ANK3: variants seen among roughly 807,000 people sequenced by gnomAD.
The protein encoded by ANK3 is ankyrin-3.
ANK3 carries 57 observed loss-of-function variants against 370.9 expected under a neutral mutation model. The observed-to-expected ratio is 0.15, with a 90% confidence interval of 0.12 to 0.19. ANK3 has a LOEUF of 0.19. Among genes scored for constraint, ANK3 ranks in the 10% least tolerant of loss-of-function variants. ANK3 has a pLI of 1.00. For synonymous variants in ANK3, 1,929 were observed against 1,946.3 expected (o/e 0.99, Z 0.23); for missense variants, 4,439 against 5,302.1 (o/e 0.84, Z 5.06).
intron 1 of ANK3, among the ~76,000 whole-genome samples, chr10:60,695,941 C>CA (rs1254933430): frequency 6.7e-6 from 1 of 150,256 alleles, no homozygotes; most frequent in Non-Finnish European, 1.5e-5. Context: ...AAAAACCCTT[C>CA]AAAAAATTAA....
At chr10:60,629,418 C>T (rs1009066933) in intron 1 of ANK3, among the ~76,000 whole-genome samples, 7 of 152,062 alleles carry the variant, frequency 4.6e-5, no homozygotes, top group Non-Finnish European at 1.0e-4. Flanking sequence ...ATTATGTTTG[C>T]TTTATTTTTC....
intron 2 of ANK3, among the ~76,000 whole-genome samples, chr10:60,591,308 TTTATTTA>T (rs1325726068): frequency 2.6e-5 from 1 of 38,086 alleles, no homozygotes; most frequent in Non-Finnish European, 6.7e-5. Context: ...TTTTATTTTA[TTTATTTA>T]TTTATTTATT....
chr10:60,232,628 T>A (rs1246238756), intron 8 of ANK3, among the ~76,000 whole-genome samples: 2 of 152,184 alleles, frequency 1.3e-5, no homozygotes, highest in African/African-American at 4.8e-5. Flanking sequence ...TTTTCCTATT[T>A]AGAAAGTTTG....
chr10:60,178,370 GTAAT>G, intron 18 of ANK3, among the ~76,000 whole-genome samples: 1 of 152,250 alleles, frequency 6.6e-6, no homozygotes, highest in Admixed American at 6.5e-5. Flanking sequence ...CCTTATGCAA[GTAAT>G]TACTTTTTCT....
chr10:60,084,924 G>A, intron 31 of ANK3, 94 bp from the exon 32 acceptor site: 1 of 965,312 alleles, frequency 1.0e-6, no homozygotes, highest in Non-Finnish European at 1.5e-6. Flanking sequence ...AATATGTAAA[G>A]GAACTAACCC....
chr10:60,333,511 G>T (rs1469544486), intron 1 of ANK3, among the ~76,000 whole-genome samples: 2 of 152,040 alleles, frequency 1.3e-5, no homozygotes, highest in African/African-American at 2.4e-5. Context: ...AGTTTTCCAG[G>T]GTGTATATGT....
At chr10:60,696,009 A>T (rs1413006485) in intron 1 of ANK3, among the ~76,000 whole-genome samples, 1 of 151,254 alleles carries the variant, frequency 6.6e-6, no homozygotes, top group Non-Finnish European at 1.5e-5. Flanking sequence ...CGCTAGCAAG[A>T]CTAATAAAGA....
chr10:60,109,267 T>C (rs1197293993), intron 26 of ANK3, among the ~76,000 whole-genome samples: 3 of 152,150 alleles, frequency 2.0e-5, no homozygotes, highest in African/African-American at 4.8e-5. Flanking sequence ...TTGTTTTTGG[T>C]GGAACATGGC....
chr10:60,114,328 G>C lies in ANK3; in HGVS notation c.2845C>G (p.Leu949Val). 1 of 1,579,978 alleles carries C rather than the reference G, an allele frequency of 6.3e-7. No individual in the cohort carries two copies. Among genetic ancestry groups the C allele is most frequent in the Non-Finnish European group, 8.7e-7 (1 of 1,155,950 alleles). Residue 949 changes from leucine (L) to valine (V), a missense_variant, in exon 26 of 44, where the codon CTA becomes GTA. This residue lies in a region of ANK3 where 702 missense variants were observed against 941.5 expected (regional missense o/e 0.75). Coordinates refer to ENST00000280772, the MANE Select transcript of ANK3 (RefSeq NM_020987.5). ...ELLVPSKEQHLTFTREFDSDS... is the reference protein window; with the variant it reads ...ELLVPSKEQHVTFTREFDSDS... ...GAATCAAATTCCCTTGTGAATGTTA[G>C]ATGCTGAAAAATAAAATGGTAAATT...
chr10:60,675,036 T>C lies in ANK3; in HGVS notation c.57+58227A>G, dbSNP rs898611250. Among the ~76,000 whole-genome samples the C allele has an allele frequency of 2.6e-5, 4 of 152,204 alleles. 1 individual carries two copies. The highest frequency in any genetic ancestry group is 5.9e-5 in the Non-Finnish European group (4 of 68,036). ...CCACATTTGCATTGCAAGTAGCAAT[T>C]TATTTGCAGCAACATATCATTATCA... On this transcript the variant is annotated intron_variant, in intron 1 of 43. Coordinates refer to the ANK3 transcript ENST00000373827.
chr10:60,537,993 T>A (rs1013290593), intron 2 of ANK3, among the ~76,000 whole-genome samples: 7 of 151,936 alleles, frequency 4.6e-5, no homozygotes, highest in African/African-American at 1.4e-4. Context: ...GAATAAATTC[T>A]CGGTTCTTTT....
chr10:60,336,631 T>G (rs1203539156), intron 1 of ANK3, among the ~76,000 whole-genome samples: 1 of 152,192 alleles, frequency 6.6e-6, no homozygotes, highest in Admixed American at 6.5e-5. Context: ...TATCTATATT[T>G]TCTAAAATGA....
At chr10:60,586,646 G>A (rs934841831) in intron 2 of ANK3, among the ~76,000 whole-genome samples, 12 of 152,054 alleles carry the variant, frequency 7.9e-5, no homozygotes, top group African/African-American at 2.9e-4. Context: ...ACAATATATT[G>A]TACAATGTGT....
chr10:60,504,063 G>A (rs1489117466), intron 2 of ANK3, among the ~76,000 whole-genome samples: 2 of 152,156 alleles, frequency 1.3e-5, no homozygotes, highest in African/African-American at 4.8e-5. Context: ...AATGGATACA[G>A]CAAGGTCTGT....
At chr10:60,279,009 A>G (rs2132704229) in intron 3 of ANK3, 41 bp downstream of exon 3, 1 of 1,595,446 alleles carries the variant, frequency 6.3e-7, no homozygotes, top group Non-Finnish European at 8.6e-7. Context: ...CTCACAGAAC[A>G]TGGCGAGTGG....
intron 2 of ANK3, among the ~76,000 whole-genome samples, chr10:60,567,482 T>C (rs965725256): frequency 8.5e-5 from 13 of 152,158 alleles, no homozygotes; most frequent in Non-Finnish European, 1.8e-4. Context: ...CTTTTTAAAA[T>C]ATTACTGCTC....
At chr10:60,693,378 CG>C (rs2079388084) in intron 1 of ANK3, among the ~76,000 whole-genome samples, 1 of 152,212 alleles carries the variant, frequency 6.6e-6, no homozygotes, top group Non-Finnish European at 1.5e-5. Context: ...CCTGGAAGCT[CG>C]AACTGGGTGG....
intron 2 of ANK3, among the ~76,000 whole-genome samples, chr10:60,553,309 C>T (rs1339648440): frequency 1.3e-5 from 2 of 152,016 alleles, no homozygotes; most frequent in Admixed American, 6.6e-5. Flanking sequence ...AGTGAAAAAA[C>T]GAAGAAAACA....
At chr10:60,043,096 A>C (rs2076395301) in intron 42 of ANK3, 2 of 1,043,250 alleles carry the variant, frequency 1.9e-6, no homozygotes, top group Non-Finnish European at 2.3e-6. Flanking sequence ...AATTGTAAAC[A>C]ATCTGTTGCA....
Sources: gnomAD v4.1 joint callset for allele counts (sites outside exome capture counted in the v4.1 genomes callset) on GRCh38, gnomAD v4.1.1 for gene constraint, gnomAD v4.1.1 regional missense constraint, MANE v1.5 for transcripts, NCBI Gene and HGNC (gene_info 2026-07-23, HGNC 2026-07-21) for gene names.